Variants in NUB1 observed in about 807,000 individuals in gnomAD.
The protein encoded by NUB1 is NEDD8 ultimate buster 1.
NUB1 carries 41 observed loss-of-function variants against 77.1 expected under a neutral mutation model. That is an observed-to-expected ratio of 0.53 (90% confidence interval 0.41 to 0.69). The LOEUF (loss-of-function observed/expected upper bound fraction) is 0.69. Among genes scored for constraint, NUB1 ranks in the 30% least tolerant of loss-of-function variants. The pLI is 0.00. For synonymous variants in NUB1, 257 were observed against 281.0 expected (o/e 0.91, Z 0.85); for missense variants, 643 against 743.8 (o/e 0.86, Z 1.58).
intron 4 of NUB1, 64 bp downstream of exon 4, chr7:151,351,546 C>A: frequency 8.6e-7 from 1 of 1,166,020 alleles, no homozygotes; most frequent in Non-Finnish European, 1.3e-6. Context: ...TTATTTGATC[C>A]TCTGTGAGCG....
intron 11 of NUB1, among the ~76,000 whole-genome samples, chr7:151,371,374 C>CATGT (rs1797952200): frequency 7.5e-6 from 1 of 134,028 alleles, no homozygotes; most frequent in Non-Finnish European, 1.6e-5. Flanking sequence ...CCCCCCACCC[C>CATGT]ATGTCATCAG....
At chr7:151,344,645 TTC>T (rs1796394592) in intron 1 of NUB1, among the ~76,000 whole-genome samples, 1 of 152,044 alleles carries the variant, frequency 6.6e-6, no homozygotes, top group Non-Finnish European at 1.5e-5. Flanking sequence ...TAGTTTACAG[TTC>T]AAGCAAGCTT....
rs770045325 is a variant in NUB1, at chr7:151,345,389, T to G, written c.40T>G (p.Phe14Val). 2.5e-6 allele frequency: 4 copies of G among 1,612,732 alleles called. No homozygotes were observed. The change falls in exon 2 of 15, where the codon TTT becomes GTT. Residue 14 changes from phenylalanine to valine, a missense_variant. Phe to Val is a conservative substitution (Grantham distance 50). Coordinates refer to ENST00000568733, the MANE Select transcript of NUB1 (RefSeq NM_001243351.2). The stretch of plus-strand genomic sequence containing the variant: ...ATATCTTCAAGCAAAATTGACCCAG[T>G]TTTTAAGGGAAGACAGGATTCAACT... ...KKYLQAKLTQ[F>V]LREDRIQLWK...
chr7:151,349,954 T>A (rs948601615), intron 3 of NUB1, among the ~76,000 whole-genome samples: 1 of 152,182 alleles, frequency 6.6e-6, no homozygotes, highest in Non-Finnish European at 1.5e-5. Context: ...TGTTATTTAT[T>A]GGATACAAGG....
intron 4 of NUB1, 77 bp from the exon 5 acceptor site, chr7:151,352,735 G>T: frequency 2.2e-6 from 2 of 917,766 alleles, no homozygotes; most frequent in Non-Finnish European, 3.5e-6. Flanking sequence ...GAGCCACCGG[G>T]CCTGGCTAAT....
intron 8 of NUB1, 123 bp downstream of exon 8, chr7:151,360,370 T>C: frequency 1.8e-6 from 1 of 546,858 alleles, no homozygotes; most frequent in Non-Finnish European, 3.3e-6. Context: ...TGTAAAAGAG[T>C]AGTTATGGTG....
Position 151,377,892 on chromosome 7 carries a change from T to G in NUB1, c.*667T>G, listed in dbSNP as rs894106220. On this transcript the variant is annotated 3_prime_UTR_variant, in exon 15 of 15. Coordinates refer to ENST00000568733, the MANE Select transcript of NUB1 (RefSeq NM_001243351.2). ...GATTGAGTGTCAGGCTTTATATATA[T>G]TCAGCATTCCTCATTACAGAAATCT... 1 of 152,196 alleles carries G rather than the reference T, an allele frequency of 6.6e-6. No individual in the cohort carries two copies. Among genetic ancestry groups the G allele is most frequent in the South Asian group, 2.1e-4 (1 of 4,832 alleles). The allele number at this position is 152,196 out of a possible 1,614,324, so 9.4% of individuals were successfully genotyped here. A position where few individuals can be genotyped will look rare whatever the true frequency, so the allele number is the denominator to read the frequency against.
At chr7:151,344,869 G>A (rs147903940) in intron 1 of NUB1, among the ~76,000 whole-genome samples, 1,809 of 152,102 alleles carry the variant, frequency 0.012, 42 homozygotes, top group African/African-American at 0.041. Context: ...GCGTGGTGGC[G>A]CATGCCTGTA....
chr7:151,366,519 T>TAAAGAAAG (rs10571761), intron 8 of NUB1, among the ~76,000 whole-genome samples: 13 of 150,810 alleles, frequency 8.6e-5, no homozygotes, highest in African/African-American at 3.2e-4. Flanking sequence ...CAATGATTCT[T>TAAAGAAAG]AAAGAAAGAA....
In NUB1 at chr7:151,362,926, G is replaced by A. The variant is rs563455241; in HGVS notation, c.800+2679G>A. 7.2e-5 allele frequency among the ~76,000 whole-genome samples: 11 copies of A among 152,340 alleles called. No homozygotes were observed. In the South Asian group the frequency reaches 8.3e-4, roughly 11 times the overall value. On this transcript the variant is annotated intron_variant, in intron 8 of 14. Coordinates refer to ENST00000568733, the MANE Select transcript of NUB1 (RefSeq NM_001243351.2). Reference sequence around the variant, plus strand: ...GTGGAGGATTTGGTAGTCACAGGGCGTCAAATAGAGTCTTCAGAAGGGTGT... The same window carrying A: ...GTGGAGGATTTGGTAGTCACAGGGCATCAAATAGAGTCTTCAGAAGGGTGT...
At chr7:151,344,732 A>C (rs1289200238) in intron 1 of NUB1, among the ~76,000 whole-genome samples, 1 of 150,326 alleles carries the variant, frequency 6.7e-6, no homozygotes, top group Non-Finnish European at 1.5e-5. Flanking sequence ...GAGAATTTAC[A>C]AGCTCACGCC....
At chr7:151,341,912 C>T in intron 1 of NUB1, 66 bp downstream of exon 1, 1 of 1,421,128 alleles carries the variant, frequency 7.0e-7, no homozygotes, top group Non-Finnish European at 9.2e-7. Flanking sequence ...GCCCCGGTTC[C>T]CGGTCCGACT....
rs536435230 is a variant in NUB1, at chr7:151,359,051, C to T, written c.694-1090C>T. ...CTGCACTCCAGCCTGGAAGACAGAG[C>T]GAGACTCTGTCTCAAAAAAAAAATA... On this transcript the variant is annotated intron_variant, in intron 7 of 14. Transcript: ENST00000568733. 1.5e-4 allele frequency among the ~76,000 whole-genome samples: 22 copies of T among 150,194 alleles called. No individual in the cohort carries two copies. The East Asian group carries it at 1.6e-3, about 11-fold the overall frequency.
intron 5 of NUB1, among the ~76,000 whole-genome samples, chr7:151,354,214 TG>T (rs1796951982): frequency 6.6e-6 from 1 of 152,134 alleles, no homozygotes; most frequent in Admixed American, 6.6e-5. Context: ...TGACCCTTTT[TG>T]GGGGGCCCTG....
At chr7:151,352,041 G>A (rs969086333) in intron 4 of NUB1, 6 of 455,264 alleles carry the variant, frequency 1.3e-5, no homozygotes, top group South Asian at 4.6e-5. Context: ...GCTAGCTAGC[G>A]GGTGTATTTC....
intron 2 of NUB1, among the ~76,000 whole-genome samples, chr7:151,347,188 T>TA (rs1464767593): frequency 6.6e-6 from 1 of 152,162 alleles, no homozygotes; most frequent in Non-Finnish European, 1.5e-5. Flanking sequence ...ATTTTTAAAA[T>TA]ATGTTAAACA....
Position 151,352,820 on chromosome 7 carries a change from A to G in NUB1, c.353A>G (p.Glu118Gly), listed in dbSNP as rs1563014112. The change falls in exon 5 of 15, where the codon GAA becomes GGA. Residue 118 changes from glutamate to glycine, a missense_variant. Coordinates refer to ENST00000568733, the MANE Select transcript of NUB1 (RefSeq NM_001243351.2). ...CTGGTTTTATTTTACAGAATAGCTG[A>G]AACCTTTGGACTTCAAGAAAATTAT... ...TGRELRSKIA[E>G]TFGLQENYIK... is the part of the protein sequence containing the mutation. The G allele has an allele frequency of 6.5e-7, 1 of 1,547,058 alleles. No individual in the cohort carries two copies. Among genetic ancestry groups the G allele is most frequent in the Middle Eastern group, 1.7e-4 (1 of 5,926 alleles).
chr7:151,369,421 A>G (rs1797861325), intron 11 of NUB1, among the ~76,000 whole-genome samples: 1 of 152,178 alleles, frequency 6.6e-6, no homozygotes, highest in African/African-American at 2.4e-5. Flanking sequence ...ACCATAGTGT[A>G]TTTCTGGAAG....
intron 13 of NUB1, chr7:151,376,429 T>G (rs1379911073): frequency 5.3e-6 from 3 of 565,476 alleles, no homozygotes; most frequent in Non-Finnish European, 9.3e-6. Flanking sequence ...GGCTGCTCCC[T>G]GACGCACCCG....
Sources: gnomAD v4.1 joint callset for allele counts (sites outside exome capture counted in the v4.1 genomes callset) on GRCh38, gnomAD v4.1.1 for gene constraint, MANE v1.5 for transcripts, NCBI Gene and HGNC (gene_info 2026-07-23, HGNC 2026-07-21) for gene names.